MUC5B: variants seen among roughly 807,000 people sequenced by gnomAD.
MUC5B encodes the protein mucin-5B.
A neutral mutation model predicts 376.9 loss-of-function variants in MUC5B; 116 were observed. The ratio of observed to expected loss-of-function variants is 0.31; its 90% confidence interval spans 0.26 to 0.36. The LOEUF is 0.36. MUC5B is among the 10% of genes least tolerant of loss of function. The pLI is 1.00. For synonymous variants in MUC5B, 3,517 were observed against 3,390.9 expected, an observed-to-expected ratio of 1.04 and a Z score of -1.29; for missense variants, 7,165 against 7,769.9, an observed-to-expected ratio of 0.92 and a Z score of 2.93.
Position 1,257,299 on chromosome 11 carries a change from A to AC in MUC5B, c.16269+32dup. On this transcript the variant is annotated intron_variant, in intron 40 of 48. Coordinates refer to ENST00000529681, the MANE Select transcript of MUC5B (RefSeq NM_002458.3). This position sits in a 1 kb window ranked among gnomAD's most constrained non-coding sequence, Gnocchi z 8.9. ...GAGTGGCTCCACCCCCACCTGCCCT[A>AC]CCCCACCCTCTCGCGAGCTGAGGGA... 1.3e-6 allele frequency: 1 copy of AC among 784,008 alleles called. No individual in the cohort carries two copies. The highest frequency in any genetic ancestry group is 2.4e-6 in the Non-Finnish European group (1 of 422,424). The allele number at this position is 784,008 out of a possible 1,614,324, so 48.6% of individuals were successfully genotyped here. A position where few individuals can be genotyped will look rare whatever the true frequency, so the allele number is the denominator to read the frequency against.
chr11:1,242,438 C>A lies in MUC5B; in HGVS notation c.5558C>A (p.Thr1853Lys), dbSNP rs530421012. The change falls in exon 31 of 49, where the codon ACG (threonine) becomes AAG (lysine). Residue 1853 changes from threonine (T) to lysine (K), a missense_variant. Around this residue, in one of 31 missense-constraint regions of MUC5B, gnomAD observed 897 missense variants for 779.6 expected, o/e 1.15. Transcript: ENST00000529681. ...VGQVLTCSLE[T>K]GLTCKNEDQT... is the part of the protein sequence containing the mutation. ...CAGGTGCTGACCTGCAGCCTGGAGA[C>A]GGGGCTGACCTGCAAGAACGAAGAC... 1.2e-6 allele frequency: 2 copies of A among 1,613,664 alleles called. No individual in the cohort carries two copies. The highest frequency in any genetic ancestry group is 1.3e-5 in the African/African-American group (1 of 74,846).
In MUC5B at chr11:1,234,652, G is replaced by A; in HGVS notation, c.2602G>A (p.Glu868Lys). The change falls in exon 21 of 49, where the codon GAG becomes AAG. Residue 868 changes from glutamate to lysine, a missense_variant. Around this residue, in one of 31 missense-constraint regions of MUC5B, gnomAD observed 530 missense variants for 604.0 expected, o/e 0.88. Transcript: ENST00000529681. The surrounding 1 kb of genome is among the most constrained non-coding windows in gnomAD (Gnocchi z 6.3). ...CAACGAGGCCACCTACAAGCCTGGA[G>A]AGACCATCAGGGTCGACTGCAACAC... ...VHNEATYKPG[E>K]TIRVDCNTCT... The A allele has an allele frequency of 6.5e-7, 1 of 1,548,070 alleles. No homozygotes were observed. Among genetic ancestry groups the A allele is most frequent in the Non-Finnish European group, 8.7e-7 (1 of 1,145,936 alleles).
In MUC5B at chr11:1,251,664, C is replaced by G; in HGVS notation, c.14784C>G (p.Thr4928=). Residue 4928 remains threonine, a synonymous_variant, in exon 31 of 49, where the codon ACC becomes ACG. Transcript: ENST00000529681. ...CTGTGTCCTCCTCAGTCCTCACCACCCTGAGACCCACTGGCTTCCCCAGCT... is the reference window on the plus strand; with the variant it reads ...CTGTGTCCTCCTCAGTCCTCACCACGCTGAGACCCACTGGCTTCCCCAGCT... The part of the protein sequence containing the change: ...VSTVSSSVLT[T]LRPTGFPSSH... 1 of 1,613,084 alleles carries G rather than the reference C, an allele frequency of 6.2e-7. No homozygotes were observed. The highest frequency in any genetic ancestry group is 8.5e-7 in the Non-Finnish European group (1 of 1,179,758).
In MUC5B at chr11:1,245,386, A is replaced by G. The variant is rs1236976284; in HGVS notation, c.8506A>G (p.Thr2836Ala). The G allele has an allele frequency of 4.5e-6, 7 of 1,560,274 alleles. No homozygotes were observed. In the South Asian group the frequency reaches 6.8e-5, roughly 15 times the overall value. ...GTTTPGHTRA[T>A]SRTTATATPS... ...GACCACCCCGGGCCACACCAGGGCC[A>G]CCTCCAGGACCACGGCCACGGCCAC... is the stretch of plus-strand genomic sequence containing the variant. The change falls in exon 31 of 49, where the codon ACC becomes GCC. Residue 2836 changes from threonine (T) to alanine (A), a missense_variant. Thr to Ala is a moderately conservative substitution (Grantham distance 58). Coordinates refer to ENST00000529681, the MANE Select transcript of MUC5B (RefSeq NM_002458.3).
intron 25 of MUC5B, among the ~76,000 whole-genome samples, chr11:1,238,203 G>A (rs1365135330): frequency 6.6e-6 from 1 of 152,208 alleles, no homozygotes; most frequent in Admixed American, 6.5e-5. Context: ...AGCTCCCCGC[G>A]TGGCTGGTCT....
chr11:1,256,355 C>T (rs1169389963), intron 38 of MUC5B, 130 bp downstream of exon 38: 2 of 622,400 alleles, frequency 3.2e-6, no homozygotes, highest in African/African-American at 3.7e-5. Context: ...CCCAGGACTC[C>T]TTGGAAAACA....
In MUC5B at chr11:1,253,062, A is replaced by T. The variant is rs879912542; in HGVS notation, c.15217+82A>T. The T allele has an allele frequency of 9.3e-5, 99 of 1,062,488 alleles. No individual in the cohort carries two copies. The highest frequency in any genetic ancestry group is 3.2e-4 in the East Asian group (6 of 18,494). 65.8% of individuals were successfully genotyped at this position (1,062,488 alleles called of 1,614,324 possible). Reference sequence around the variant, plus strand: ...GTCGGCTAGGCTGGCAGAATGGGGCATGGTGGGGCACAGTGGGGTGCAGTG... The same window carrying T: ...GTCGGCTAGGCTGGCAGAATGGGGCTTGGTGGGGCACAGTGGGGTGCAGTG... On this transcript the variant is annotated intron_variant, in intron 33 of 48. Coordinates refer to ENST00000529681, the MANE Select transcript of MUC5B (RefSeq NM_002458.3). This position sits in a 1 kb window ranked among gnomAD's most constrained non-coding sequence, Gnocchi z 4.3.
At position 1,246,232 on chromosome 11, in the gene MUC5B, G is replaced by A; in HGVS notation, c.9352G>A (p.Ala3118Thr). Reference sequence around the variant, plus strand: ...GACCACGAAGGCCACCACGACAAGGGCCACCAGTTCCATGTCCACCCCCTC... The same window carrying A: ...GACCACGAAGGCCACCACGACAAGGACCACCAGTTCCATGTCCACCCCCTC... ...VLTTKATTTR[A>T]TSSMSTPSST... The change falls in exon 31 of 49, where the codon GCC (alanine) becomes ACC (threonine). Residue 3118 changes from alanine to threonine, a missense_variant. Ala to Thr is a moderately conservative substitution (Grantham distance 58, BLOSUM62 0). This residue lies in a region of MUC5B where 939 missense variants were observed against 770.6 expected (regional missense o/e 1.22). Transcript: ENST00000529681. 6 of 1,611,462 alleles carry A rather than the reference G, an allele frequency of 3.7e-6. No individual in the cohort carries two copies. Among genetic ancestry groups the A allele is most frequent in the Non-Finnish European group, 4.2e-6 (5 of 1,179,184 alleles).
At position 1,247,514 on chromosome 11, in the gene MUC5B, C is replaced by A. The variant is rs772940563; in HGVS notation, c.10634C>A (p.Pro3545His). Residue 3545 changes from proline to histidine, a missense_variant, in exon 31 of 49, where the codon CCC becomes CAC. Pro to His is a moderately conservative substitution (Grantham distance 77). This residue lies in a region of MUC5B where 939 missense variants were observed against 770.6 expected (regional missense o/e 1.22). Transcript: ENST00000529681. ...GTSRTTATAT[P>H]SKTRTSTLLP... ...TCCAGGACCACAGCCACAGCCACAC[C>A]CAGCAAGACCCGCACCTCGACCCTG... 27 of 1,609,110 alleles carry A rather than the reference C, an allele frequency of 1.7e-5. No individual in the cohort carries two copies. The South Asian group carries it at 2.9e-4, about 17-fold the overall frequency.
intron 47 of MUC5B, 31 bp downstream of exon 47, chr11:1,260,424 C>T (rs887828174): frequency 2.5e-6 from 4 of 1,611,030 alleles, no homozygotes; most frequent in Non-Finnish European, 3.4e-6. Flanking sequence ...CACACCAGCC[C>T]TCCAGCTCCA....
chr11:1,231,569 G>A lies in MUC5B; in HGVS notation c.1678+9G>A. 6.4e-7 allele frequency: 1 copy of A among 1,563,588 alleles called. No homozygotes were observed. ...CCAGGGCCAGATGTGCGGTGAGGCT[G>A]GGCAGGGGCCTTCGGGGACAGGGCC... On this transcript the variant is annotated intron_variant, in intron 14 of 48. Coordinates refer to ENST00000529681, the MANE Select transcript of MUC5B (RefSeq NM_002458.3).
At position 1,257,194 on chromosome 11, in the gene MUC5B, C is replaced by G. The variant is rs547995703; in HGVS notation, c.16238-46C>G. 12 of 779,518 alleles carry G rather than the reference C, an allele frequency of 1.5e-5. 1 individual carries two copies. The highest frequency in any genetic ancestry group is 1.5e-4 in the South Asian group (11 of 74,618). The allele number at this position is 779,518 out of a possible 1,614,324, so 48.3% of individuals were successfully genotyped here. A position where few individuals can be genotyped will look rare whatever the true frequency, so the allele number is the denominator to read the frequency against. ...CTCCCATGGCCAGAGGCCCCTCCGC[C>G]TGCAAACTCAGCACCCTCCGTGATG... is the stretch of plus-strand genomic sequence containing the variant. On this transcript the variant is annotated intron_variant, in intron 39 of 48. Coordinates refer to ENST00000529681, the MANE Select transcript of MUC5B (RefSeq NM_002458.3). The surrounding 1 kb of genome is among the most constrained non-coding windows in gnomAD (Gnocchi z 8.9).
chr11:1,236,780 A>G (rs2133818333), intron 24 of MUC5B, 145 bp from the exon 25 acceptor site: 3 of 1,150,632 alleles, frequency 2.6e-6, no homozygotes. Flanking sequence ...CCTGTCTCCT[A>G]CAAGTTCACC....
chr11:1,247,261 C>T lies in MUC5B; in HGVS notation c.10381C>T (p.Pro3461Ser), dbSNP rs771220889. 3 of 1,612,210 alleles carry T rather than the reference C, an allele frequency of 1.9e-6. No individual in the cohort carries two copies. The highest frequency in any genetic ancestry group is 2.5e-6 in the Non-Finnish European group (3 of 1,179,588). Residue 3461 changes from proline to serine, a missense_variant, in exon 31 of 49, where the codon CCC (proline) becomes TCC (serine). Physicochemically the swap from Pro to Ser is moderately conservative, Grantham distance 74 (BLOSUM62 -1). Coordinates refer to ENST00000529681, the MANE Select transcript of MUC5B (RefSeq NM_002458.3). ...TATTHGRSLP[P>S]SSPHTVRTAW... ...CACCACACACGGGCGGTCCCTGCCC[C>T]CCAGCAGTCCCCACACGGTGCGCAC...
In MUC5B at chr11:1,246,180, G is replaced by A. The variant is rs754160190; in HGVS notation, c.9300G>A (p.Pro3100=). The change falls in exon 31 of 49, where the codon CCG becomes CCA. Residue 3100 remains proline (P), a synonymous_variant. Transcript: ENST00000529681. ...TMSTIHPSST[P]ETTHTSTVLT... Reference sequence around the variant, plus strand: ...CCACAATCCACCCCTCCTCCACTCCGGAGACCACCCACACCTCCACAGTGC... The same window carrying A: ...CCACAATCCACCCCTCCTCCACTCCAGAGACCACCCACACCTCCACAGTGC... 4.3e-5 allele frequency: 69 copies of A among 1,607,886 alleles called. No homozygotes were observed. Among genetic ancestry groups the A allele is most frequent in the Non-Finnish European group, 4.9e-5 (58 of 1,178,300 alleles).
chr11:1,259,211 TTGCCCCCAAGTGAGACCCGAGGCACC>T (rs1862935262), intron 44 of MUC5B, 150 bp downstream of exon 44: 3 of 592,730 alleles, frequency 5.1e-6, no homozygotes, highest in East Asian at 3.7e-5. Context: ...CCTGAGGCAC[TTGCCCCCAAGTGAGACCCGAGGCACC>T]TGCCCCCAGG....
chr11:1,259,828 G>A lies in MUC5B; in HGVS notation c.16786G>A (p.Gly5596Ser), dbSNP rs1305632898. ...CCAGACCGCCTGCCTCACGCCCGAT[G>A]GCCAGCCAGTCCAGGTAACAGCAGA... is the stretch of plus-strand genomic sequence containing the variant. ...CVQTACLTPD[G>S]QPVQLNETWV... The change falls in exon 45 of 49, where the codon GGC (glycine) becomes AGC (serine). Residue 5596 changes from glycine to serine, a missense_variant. By Grantham distance (56) the Gly-to-Ser change is moderately conservative (BLOSUM62 0). Coordinates refer to ENST00000529681, the MANE Select transcript of MUC5B (RefSeq NM_002458.3). 3.7e-6 allele frequency: 6 copies of A among 1,612,472 alleles called. No homozygotes were observed. The highest frequency in any genetic ancestry group is 5.1e-6 in the Non-Finnish European group (6 of 1,179,694).
intron 38 of MUC5B, 185 bp from the exon 39 acceptor site, chr11:1,256,486 T>G: frequency 2.8e-5 from 2 of 70,458 alleles, no homozygotes; most frequent in Middle Eastern, 6.1e-3. Flanking sequence ...CCGCCCATAC[T>G]TAGCCCCGCC....
rs770812963 is a variant in MUC5B, at chr11:1,246,111, C to T, written c.9231C>T (p.Thr3077=). ...TPIPSFTLGT[T]GTLPEQTTTP... The stretch of plus-strand genomic sequence containing the variant: ...TCCCCTCCTTCACCCTTGGGACCAC[C>T]GGGACCCTCCCAGAACAGACCACCA... Residue 3077 remains threonine (T), a synonymous_variant, in exon 31 of 49, where the codon ACC becomes ACT. Coordinates refer to ENST00000529681, the MANE Select transcript of MUC5B (RefSeq NM_002458.3). 4.6e-5 allele frequency: 75 copies of T among 1,612,982 alleles called. No individual in the cohort carries two copies. The highest frequency in any genetic ancestry group is 2.3e-4 in the South Asian group (21 of 91,022).
Sources: gnomAD v4.1 joint callset for allele counts (sites outside exome capture counted in the v4.1 genomes callset) on GRCh38, gnomAD v4.1.1 for gene constraint, gnomAD v4.1.1 regional missense constraint, Gnocchi (gnomAD v3.1) non-coding constraint, MANE v1.5 for transcripts, NCBI Gene and HGNC (gene_info 2026-07-23, HGNC 2026-07-21) for gene names.